The following TRPM3 variants were observed in gnomAD, a reference collection of about 807,000 sequenced individuals.
The protein encoded by TRPM3 is transient receptor potential cation channel subfamily M member 3, also known as long transient receptor potential channel 3.
In TRPM3, 77 loss-of-function variants were observed where a neutral mutation model predicts 181.2. The observed-to-expected ratio is 0.42, with a 90% confidence interval of 0.35 to 0.51. The LOEUF is 0.51. Among genes scored for constraint, TRPM3 ranks in the 20% least tolerant of loss-of-function variants. The probability of loss-of-function intolerance (pLI) is 0.01; values close to 1 mark genes in which losing one functional copy is unlikely to be tolerated. For missense variants in TRPM3, 1,759 were observed against 2,196.7 expected, an observed-to-expected ratio of 0.80 and a Z score of 3.98; for synonymous variants, 745 against 796.4, an observed-to-expected ratio of 0.94 and a Z score of 1.09.
At chr9:71,443,026 CT>C (rs2094154651) in intron 1 of TRPM3, among the ~76,000 whole-genome samples, 1 of 152,164 alleles carries the variant, frequency 6.6e-6, no homozygotes, top group Non-Finnish European at 1.5e-5. Flanking sequence ...AATTTGATAT[CT>C]GAATTTCAAA....
intron 1 of TRPM3, among the ~76,000 whole-genome samples, chr9:71,210,160 G>C (rs566535016): frequency 6.6e-6 from 1 of 152,100 alleles, no homozygotes; most frequent in East Asian, 1.9e-4. Flanking sequence ...TGCAGCATTA[G>C]GTTCTCATAG....
intron 1 of TRPM3, among the ~76,000 whole-genome samples, chr9:71,065,290 C>T (rs2061784491): frequency 6.6e-6 from 1 of 152,110 alleles, no homozygotes; most frequent in African/African-American, 2.4e-5. Context: ...ATTAAAAATG[C>T]CACTAATTGG....
chr9:71,407,159 G>A (rs186171613), intron 1 of TRPM3, among the ~76,000 whole-genome samples: 3 of 152,288 alleles, frequency 2.0e-5, no homozygotes, highest in South Asian at 2.1e-4. Flanking sequence ...CCCAGCATGA[G>A]CGACACAGAA....
chr9:70,657,788 C>T (rs373058630), intron 9 of TRPM3, among the ~76,000 whole-genome samples: 66 of 152,182 alleles, frequency 4.3e-4, no homozygotes, highest in African/African-American at 1.3e-3. Context: ...CTCACATCTT[C>T]GGGTCTGGTA....
In TRPM3 at chr9:71,040,064, T is replaced by A. The variant is rs149176230; in HGVS notation, c.177+81114A>T. 2.8e-4 allele frequency among the ~76,000 whole-genome samples: 43 copies of A among 152,322 alleles called. No homozygotes were observed. In the East Asian group the frequency reaches 6.9e-3, roughly 25 times the overall value. ...TGTCATAATTTTTACATAATGGGAA[T>A]GAGAGTTAGAGTCCCTATGCAGGGA... On this transcript the variant is annotated intron_variant, in intron 1 of 25. Transcript: ENST00000677713.
chr9:71,110,835 T>G (rs1412382661), intron 1 of TRPM3, among the ~76,000 whole-genome samples: 1 of 152,224 alleles, frequency 6.6e-6, no homozygotes, highest in African/African-American at 2.4e-5. Context: ...TATAGCTTGC[T>G]TGTATAAATG....
intron 1 of TRPM3, among the ~76,000 whole-genome samples, chr9:71,100,219 T>C (rs2068092505): frequency 6.6e-6 from 1 of 152,164 alleles, no homozygotes; most frequent in Non-Finnish European, 1.5e-5. Context: ...TCAACTACAA[T>C]AACTCAGGAA....
intron 1 of TRPM3, among the ~76,000 whole-genome samples, chr9:70,946,865 T>A (rs2133631507): frequency 6.6e-6 from 1 of 152,282 alleles, no homozygotes; most frequent in African/African-American, 2.4e-5. Flanking sequence ...CCTCTTCCAC[T>A]CAACATTATA....
In TRPM3 at chr9:70,786,311, C is replaced by CAAAAAAAAAAAAA. The variant is rs71367227; in HGVS notation, c.974-2045_974-2033dup. On this transcript the variant is annotated intron_variant, in intron 6 of 25. Coordinates refer to ENST00000677713, the MANE Select transcript of TRPM3 (RefSeq NM_001366145.2). Reference sequence around the variant, plus strand: ...GAAACCCTGTCACTACTAAAAATACCAAAAAAAAAAAAAAAAAAAAAAAAT... The same window carrying CAAAAAAAAAAAAA: ...GAAACCCTGTCACTACTAAAAATACCAAAAAAAAAAAAAAAAAAAAAAAAAAAAAAAAAAAAAT... Among the ~76,000 whole-genome samples the CAAAAAAAAAAAAA allele has an allele frequency of 3.5e-4, 19 of 54,460 alleles. 1 individual carries two copies. Among genetic ancestry groups the CAAAAAAAAAAAAA allele is most frequent in the Non-Finnish European group, 4.8e-4 (14 of 29,126 alleles). The allele number at this position is 54,460 out of a possible 152,430, so 35.7% of individuals were successfully genotyped here.
intron 1 of TRPM3, among the ~76,000 whole-genome samples, chr9:71,443,626 T>C (rs1170221915): frequency 6.6e-6 from 1 of 152,136 alleles, no homozygotes; most frequent in Admixed American, 6.5e-5. Flanking sequence ...AAATGCAACT[T>C]TTGGGTTTCT....
intron 1 of TRPM3, among the ~76,000 whole-genome samples, chr9:71,076,213 C>T (rs141458685): frequency 4.6e-5 from 7 of 152,172 alleles, no homozygotes; most frequent in African/African-American, 1.7e-4. Flanking sequence ...TGTTAAACTG[C>T]GGTCAGCTCG....
At chr9:71,061,404 T>G in intron 1 of TRPM3, among the ~76,000 whole-genome samples, 1 of 152,164 alleles carries the variant, frequency 6.6e-6, no homozygotes, top group Non-Finnish European at 1.5e-5. Flanking sequence ...GAGACTGTTA[T>G]TCCTAGAAAG....
intron 3 of TRPM3, among the ~76,000 whole-genome samples, chr9:70,851,714 G>C (rs1162845831): frequency 6.6e-6 from 1 of 152,136 alleles, no homozygotes; most frequent in African/African-American, 2.4e-5. Context: ...AGATCCCCTT[G>C]ATCCCAGCTC....
intron 1 of TRPM3, among the ~76,000 whole-genome samples, chr9:70,986,142 T>C (rs2097419134): frequency 6.6e-6 from 1 of 152,104 alleles, no homozygotes; most frequent in African/African-American, 2.4e-5. Flanking sequence ...GGAGGATCCC[T>C]TGAGGCTAGG....
In TRPM3 at chr9:70,998,194, C is replaced by CAT. The variant is rs2097562022; in HGVS notation, c.177+122982_177+122983dup. Reference sequence around the variant, plus strand: ...ATACACATATATATACATATATACACATATATACATATATATACACATATA... The same window carrying CAT: ...ATACACATATATATACATATATACACATATATATACATATATATACACATATA... On this transcript the variant is annotated intron_variant, in intron 1 of 25. Coordinates refer to ENST00000677713, the MANE Select transcript of TRPM3 (RefSeq NM_001366145.2). 2.1e-5 allele frequency among the ~76,000 whole-genome samples: 3 copies of CAT among 145,834 alleles called. No individual in the cohort carries two copies. The South Asian group carries it at 6.4e-4, about 31-fold the overall frequency.
At chr9:71,113,655 TA>T (rs1409541270) in intron 1 of TRPM3, among the ~76,000 whole-genome samples, 1 of 152,156 alleles carries the variant, frequency 6.6e-6, no homozygotes, top group Non-Finnish European at 1.5e-5. Context: ...CATGATCCCT[TA>T]AAAAATAATT....
chr9:70,572,428 T>C (rs1040114922), intron 22 of TRPM3, among the ~76,000 whole-genome samples: 3 of 152,190 alleles, frequency 2.0e-5, no homozygotes, highest in Non-Finnish European at 4.4e-5. Flanking sequence ...AACTCCAAAC[T>C]TGATACAAAT....
At chr9:70,923,828 CTATATA>C (rs1256813268) in intron 1 of TRPM3, among the ~76,000 whole-genome samples, 3 of 136,086 alleles carry the variant, frequency 2.2e-5, no homozygotes, top group African/African-American at 2.8e-5. Context: ...CTCTCTCTCT[CTATATA>C]TATATATATA....
At chr9:71,093,045 A>G (rs1329914364) in intron 1 of TRPM3, among the ~76,000 whole-genome samples, 1 of 152,220 alleles carries the variant, frequency 6.6e-6, no homozygotes, top group Non-Finnish European at 1.5e-5. Context: ...CAGAAAACAG[A>G]AACTGGACCC....
Sources: gnomAD v4.1 joint callset for allele counts (sites outside exome capture counted in the v4.1 genomes callset) on GRCh38, gnomAD v4.1.1 for gene constraint, MANE v1.5 for transcripts, NCBI Gene and HGNC (gene_info 2026-07-23, HGNC 2026-07-21) for gene names.